Variants in RASAL2 observed in about 807,000 individuals in gnomAD.
RASAL2 encodes ras GTPase-activating protein nGAP.
A neutral mutation model predicts 128.9 loss-of-function variants in RASAL2; 58 were observed. The ratio of observed to expected loss-of-function variants is 0.45; its 90% CI spans 0.36 to 0.56. The LOEUF (loss-of-function observed/expected upper bound fraction) is 0.56, where lower values mean the gene tolerates loss of function less well. RASAL2 is among the 20% of genes least tolerant of loss of function. The pLI is 0.00. For synonymous variants in RASAL2, 561 were observed against 580.8 expected (o/e 0.97, Z 0.49); for missense variants, 1,360 against 1,601.6 (o/e 0.85, Z 2.57).
intron 1 of RASAL2, among the ~76,000 whole-genome samples, chr1:178,262,805 T>C (rs1665761374): frequency 6.6e-6 from 1 of 151,594 alleles, no homozygotes; most frequent in Non-Finnish European, 1.5e-5. Flanking sequence ...ATTTTTTTTT[T>C]TTTTTTTAAA....
intron 3 of RASAL2, among the ~76,000 whole-genome samples, chr1:178,386,320 C>T (rs943894297): frequency 6.6e-6 from 1 of 152,174 alleles, no homozygotes; most frequent in Non-Finnish European, 1.5e-5. Context: ...CATATAAACT[C>T]ATTAATCTTG....
chr1:178,213,747 A>G (rs1663332959), intron 1 of RASAL2, among the ~76,000 whole-genome samples: 1 of 151,470 alleles, frequency 6.6e-6, no homozygotes, highest in African/African-American at 2.4e-5. Flanking sequence ...TTCTTGGGGG[A>G]GTGGGGGAAG....
At chr1:178,390,895 GT>G (rs1222948793) in intron 4 of RASAL2, among the ~76,000 whole-genome samples, 2 of 151,894 alleles carry the variant, frequency 1.3e-5, no homozygotes, top group African/African-American at 4.8e-5. Context: ...ACGGGATGTG[GT>G]TTTTTTTATT....
chr1:178,333,051 C>T (rs920207171), intron 3 of RASAL2, among the ~76,000 whole-genome samples: 1 of 151,666 alleles, frequency 6.6e-6, no homozygotes, highest in Non-Finnish European at 1.5e-5. Context: ...TTTTTTGAGA[C>T]GGAGTCTCGC....
intron 3 of RASAL2, among the ~76,000 whole-genome samples, chr1:178,314,826 A>T (rs554398242): frequency 1.3e-5 from 2 of 151,732 alleles, no homozygotes; most frequent in Non-Finnish European, 2.9e-5. Context: ...TTTAGGGTAC[A>T]TGTGCACATT....
chr1:178,314,483 A>G (rs1668404696), intron 3 of RASAL2, among the ~76,000 whole-genome samples: 1 of 152,192 alleles, frequency 6.6e-6, no homozygotes, highest in Non-Finnish European at 1.5e-5. Flanking sequence ...AACATGATCT[A>G]CAGGGTTATT....
At chr1:178,457,309 GT>G in intron 13 of RASAL2, among the ~76,000 whole-genome samples, 1 of 152,332 alleles carries the variant, frequency 6.6e-6, no homozygotes, top group Admixed American at 6.5e-5. Context: ...GGCAAGACTT[GT>G]GCCTTTTGCA....
intron 3 of RASAL2, among the ~76,000 whole-genome samples, chr1:178,322,933 G>A (rs1272118651): frequency 6.6e-6 from 1 of 152,114 alleles, no homozygotes; most frequent in Non-Finnish European, 1.5e-5. Flanking sequence ...AGATTCCCTA[G>A]GCATTCTCAA....
chr1:178,232,491 C>G (rs1054750172), intron 1 of RASAL2, among the ~76,000 whole-genome samples: 2 of 152,160 alleles, frequency 1.3e-5, no homozygotes, highest in African/African-American at 2.4e-5. Flanking sequence ...GATCTTGCCT[C>G]AAGATTTTCC....
chr1:178,346,034 A>G (rs1290274259), intron 3 of RASAL2, among the ~76,000 whole-genome samples: 1 of 152,194 alleles, frequency 6.6e-6, no homozygotes, highest in Admixed American at 6.5e-5. Context: ...ATCACACAGT[A>G]TTTGGCCTGC....
intron 1 of RASAL2, among the ~76,000 whole-genome samples, chr1:178,231,608 C>T (rs893533099): frequency 1.3e-5 from 2 of 151,938 alleles, no homozygotes; most frequent in East Asian, 3.9e-4. Flanking sequence ...CTTTGCCTAC[C>T]CTCAGGTCAC....
intron 1 of RASAL2, among the ~76,000 whole-genome samples, chr1:178,196,590 A>G (rs1662667087): frequency 6.6e-6 from 1 of 152,218 alleles, no homozygotes; most frequent in Non-Finnish European, 1.5e-5. Context: ...AAAGCGTTGT[A>G]TTAGGTACTA....
Position 178,355,675 on chromosome 1 carries a change from A to G in RASAL2, c.458-34425A>G, listed in dbSNP as rs540603180. 2.6e-5 allele frequency among the ~76,000 whole-genome samples: 4 copies of G among 152,362 alleles called. No individual in the cohort carries two copies. In the East Asian group the frequency reaches 5.8e-4, roughly 22 times the overall value. On this transcript the variant is annotated intron_variant, in intron 3 of 17. Coordinates refer to ENST00000367649, the MANE Select transcript of RASAL2 (RefSeq NM_170692.4). ...TAACTTCTGTTTGTCAAAAGACACT[A>G]CTGAAAGTGCAAAAAGTCAAGCTAT...
At chr1:178,295,913 T>C (rs1232577054) in intron 2 of RASAL2, among the ~76,000 whole-genome samples, 2 of 152,204 alleles carry the variant, frequency 1.3e-5, no homozygotes, top group African/African-American at 4.8e-5. Context: ...TGATGCTAGT[T>C]AGCGTAATCT....
rs190506504 is a variant in RASAL2, at chr1:178,213,471, A to G, written c.203-70093A>G. On this transcript the variant is annotated intron_variant, in intron 1 of 17. Coordinates refer to ENST00000367649, the MANE Select transcript of RASAL2 (RefSeq NM_170692.4). ...CAGGAATATTAATGGCAGCTTTATCATAGACAAAAACTGGATACGATCAAA... is the reference window on the plus strand; with the variant it reads ...CAGGAATATTAATGGCAGCTTTATCGTAGACAAAAACTGGATACGATCAAA... Among the ~76,000 whole-genome samples the G allele has an allele frequency of 3.3e-5, 5 of 152,324 alleles. No individual in the cohort carries two copies. The East Asian group carries it at 9.6e-4, about 29-fold the overall frequency.
intron 4 of RASAL2, among the ~76,000 whole-genome samples, chr1:178,396,933 A>G (rs1270746223): frequency 6.6e-6 from 1 of 152,134 alleles, no homozygotes; most frequent in Non-Finnish European, 1.5e-5. Context: ...ATTATTCATT[A>G]AGAAAAAAAT....
intron 3 of RASAL2, among the ~76,000 whole-genome samples, chr1:178,304,384 A>G (rs374947571): frequency 6.6e-6 from 1 of 152,106 alleles, no homozygotes; most frequent in South Asian, 2.1e-4. Context: ...TTAGCCAGGC[A>G]TGGTGGCACA....
intron 3 of RASAL2, among the ~76,000 whole-genome samples, chr1:178,388,656 A>G (rs2102598197): frequency 6.6e-6 from 1 of 152,348 alleles, no homozygotes. Context: ...AAAGAAAATC[A>G]GTGTCCAGCA....
intron 1 of RASAL2, among the ~76,000 whole-genome samples, chr1:178,263,792 C>T (rs996744869): frequency 3.3e-5 from 5 of 152,096 alleles, no homozygotes; most frequent in Admixed American, 2.6e-4. Context: ...TGGACTCAAG[C>T]GATCCTCCCC....
Sources: gnomAD v4.1 joint callset for allele counts (sites outside exome capture counted in the v4.1 genomes callset) on GRCh38, gnomAD v4.1.1 for gene constraint, MANE v1.5 for transcripts, NCBI Gene and HGNC (gene_info 2026-07-23, HGNC 2026-07-21) for gene names.